Variants in KLHDC4 observed in about 807,000 individuals in gnomAD.
KLHDC4 encodes kelch domain-containing protein 4.
In KLHDC4, 90 loss-of-function variants were observed where a neutral mutation model predicts 62.4. The observed-to-expected ratio is 1.44, with a 90% CI of 1.22 to 1.72. KLHDC4 has a LOEUF of 1.72. Ranked by LOEUF, KLHDC4 falls within the 40% of genes most tolerant of loss-of-function variation. KLHDC4 has a pLI of 0.00. For missense variants in KLHDC4, 1,025 were observed against 699.7 expected, an observed-to-expected ratio of 1.47 and a Z score of -5.25; for synonymous variants, 386 against 284.4, an observed-to-expected ratio of 1.36 and a Z score of -3.59.
At chr16:87,704,413 A>AGGGCCCTGGGGAG (rs1252420794), downstream of KLHDC4, among the ~76,000 whole-genome samples, 6 of 92,522 alleles carry the variant, frequency 6.5e-5, 1 homozygote, top group East Asian at 3.6e-4. Context: ...GCGCCTGGGG[A>AGGGCCCTGGGGAG]GGGTCCTGAA....
At chr16:87,750,805 G>C (rs1199423850) in intron 4 of KLHDC4, 1 of 152,290 alleles carries the variant, frequency 6.6e-6, no homozygotes, top group Non-Finnish European at 1.5e-5. Flanking sequence ...ACAGGGGGTG[G>C]CGTGTCCCTC....
chr16:87,721,427 A>AAAG, intron 7 of KLHDC4, among the ~76,000 whole-genome samples: 1 of 151,570 alleles, frequency 6.6e-6, no homozygotes, highest in East Asian at 1.9e-4. Flanking sequence ...AAAAAAAAAA[A>AAAG]AAAAAAAAAA....
At chr16:87,763,082 A>G (rs750003021) in intron 1 of KLHDC4, among the ~76,000 whole-genome samples, 5 of 152,200 alleles carry the variant, frequency 3.3e-5, no homozygotes, top group Non-Finnish European at 5.9e-5. Context: ...AGTATTCTAA[A>G]CGATGCAATA....
At chr16:87,732,615 A>T (rs2040583797) in intron 5 of KLHDC4, among the ~76,000 whole-genome samples, 1 of 152,266 alleles carries the variant, frequency 6.6e-6, no homozygotes, top group African/African-American at 2.4e-5. Context: ...GTAATCAAAG[A>T]ATTTCAAATA....
chr16:87,706,322 C>A (rs996404821), downstream of KLHDC4, among the ~76,000 whole-genome samples: 2 of 136,214 alleles, frequency 1.5e-5, no homozygotes, highest in Non-Finnish European at 3.1e-5. Context: ...AAGCTGCAGC[C>A]CTCGGAGAGG....
intron 10 of KLHDC4, among the ~76,000 whole-genome samples, chr16:87,708,869 T>G (rs1053725449): frequency 6.6e-6 from 1 of 152,170 alleles, no homozygotes; most frequent in African/African-American, 2.4e-5. Context: ...CCAGCAGCAG[T>G]TGGGGTAAAG....
chr16:87,759,047 T>C (rs1052397500), intron 2 of KLHDC4, among the ~76,000 whole-genome samples: 3 of 152,100 alleles, frequency 2.0e-5, no homozygotes, highest in Non-Finnish European at 4.4e-5. Flanking sequence ...TGGTGGCGCA[T>C]GCCTGTAATC....
chr16:87,726,900 C>G lies in KLHDC4; in HGVS notation c.624G>C (p.Val208=), dbSNP rs756120600. 1 of 1,614,010 alleles carries G rather than the reference C, an allele frequency of 6.2e-7. No homozygotes were observed. Among genetic ancestry groups the G allele is most frequent in the African/African-American group, 1.3e-5 (1 of 75,014 alleles). Residue 208 remains valine, a synonymous_variant, in exon 7 of 12, where the codon GTG becomes GTC. Coordinates refer to ENST00000270583, the MANE Select transcript of KLHDC4 (RefSeq NM_017566.4). ...STRDYIYYND[V]YAFNLDTFTW... is the part of the protein sequence containing the mutation. ...TGAAGGTGTCCAGATTAAAGGCATA[C>G]ACGTCGTTGTAGTAGATGTAATCCC... is the stretch of plus-strand genomic sequence containing the variant.
At chr16:87,734,103 T>A (rs4843264) in intron 5 of KLHDC4, among the ~76,000 whole-genome samples, 18,212 of 152,142 alleles carry the variant, frequency 0.12, 1,658 homozygotes, top group African/African-American at 0.25. Flanking sequence ...CCCCAGCACT[T>A]TGAGAGGCCA....
At chr16:87,737,230 G>C (rs1212848273) in intron 5 of KLHDC4, among the ~76,000 whole-genome samples, 2 of 151,400 alleles carry the variant, frequency 1.3e-5, no homozygotes, top group African/African-American at 2.4e-5. Flanking sequence ...CACTGATTAA[G>C]ACACTAAATG....
rs185159965 is a variant in KLHDC4 at position 87,731,447 on chromosome 16, G to A, written c.507-803C>T. 5.2e-3 allele frequency among the ~76,000 whole-genome samples: 795 copies of A among 151,826 alleles called. 7 individuals are homozygous for A. The highest frequency in any genetic ancestry group is 6.9e-3 in the Non-Finnish European group (466 of 67,894). On this transcript the variant is annotated intron_variant, in intron 5 of 11. Transcript: ENST00000270583. ...AAAGATTTGATCAGAAAGTTCGTAAGATAGAAAAATGGGGGGAAAAAAGAT... is the reference window on the plus strand; with the variant it reads ...AAAGATTTGATCAGAAAGTTCGTAAAATAGAAAAATGGGGGGAAAAAAGAT...
intron 2 of KLHDC4, among the ~76,000 whole-genome samples, chr16:87,758,050 A>G (rs1477010819): frequency 6.6e-6 from 1 of 152,172 alleles, no homozygotes; most frequent in African/African-American, 2.4e-5. Context: ...ACTCCAAAAG[A>G]TGTTTCTCAA....
chr16:87,707,903 C>T lies in KLHDC4; in HGVS notation c.*174G>A, dbSNP rs767736619. Reference sequence around the variant, plus strand: ...CTCAGTTGAACTTCCGGCCCAGTGCCGCGTCAGAGACTAAACCATGGGAGA... The same window carrying T: ...CTCAGTTGAACTTCCGGCCCAGTGCTGCGTCAGAGACTAAACCATGGGAGA... On this transcript the variant is annotated 3_prime_UTR_variant, in exon 12 of 12. Transcript: ENST00000270583. The T allele has an allele frequency of 5.9e-5, 27 of 457,038 alleles. No individual in the cohort carries two copies. The highest frequency in any genetic ancestry group is 7.0e-5 in the Non-Finnish European group (16 of 227,216). The allele number at this position is 457,038 out of a possible 1,614,324, so 28.3% of individuals were successfully genotyped here. A position where few individuals can be genotyped will look rare whatever the true frequency, so the allele number is the denominator to read the frequency against.
chr16:87,732,097 C>CTTT (rs61370494), intron 5 of KLHDC4, among the ~76,000 whole-genome samples: 7 of 132,240 alleles, frequency 5.3e-5, no homozygotes, highest in Non-Finnish European at 9.6e-5. Flanking sequence ...GTGCATATTT[C>CTTT]TTTTTTTTTT....
At chr16:87,755,103 C>G (rs1006186447) in intron 4 of KLHDC4, 91 bp downstream of exon 4, 1 of 848,978 alleles carries the variant, frequency 1.2e-6, no homozygotes, top group Non-Finnish European at 2.0e-6. Flanking sequence ...CCCCTCCGCA[C>G]CAGCTGCCTG....
At chr16:87,747,596 G>C (rs533579644) in intron 5 of KLHDC4, 1 of 152,238 alleles carries the variant, frequency 6.6e-6, no homozygotes, top group Non-Finnish European at 1.5e-5. Flanking sequence ...CCCACTGTAA[G>C]GCTATGGTCA....
intron 5 of KLHDC4, among the ~76,000 whole-genome samples, chr16:87,742,076 T>C (rs1488721458): frequency 6.6e-6 from 1 of 152,098 alleles, no homozygotes; most frequent in Non-Finnish European, 1.5e-5. Flanking sequence ...CTCCTGACCT[T>C]TCCTTTTAGA....
chr16:87,765,937 C>G lies in KLHDC4; in HGVS notation c.-47G>C, dbSNP rs748436664. 67 of 1,521,146 alleles carry G rather than the reference C, an allele frequency of 4.4e-5. No individual in the cohort carries two copies. In the East Asian group the frequency reaches 7.6e-4, roughly 17 times the overall value. 94.2% of individuals were successfully genotyped at this position (1,521,146 alleles called of 1,614,324 possible). A position where few individuals can be genotyped will look rare whatever the true frequency, so the allele number is the denominator to read the frequency against. ...ACGGGACACCAGGAAAGAAAACGGCCCGCGCTCTCCGCTCGGAAACAGGTG... is the reference window on the plus strand; with the variant it reads ...ACGGGACACCAGGAAAGAAAACGGCGCGCGCTCTCCGCTCGGAAACAGGTG... On this transcript the variant is annotated 5_prime_UTR_variant, in exon 1 of 12. Coordinates refer to ENST00000270583, the MANE Select transcript of KLHDC4 (RefSeq NM_017566.4).
rs117718417 is a variant in KLHDC4, at chr16:87,715,056, C to A, written c.760-483G>T. Reference sequence around the variant, plus strand: ...CTTCGAAAACAACGCGCTCCATGTCCCTTAGCCCTTAGTCTTCTGCCTCAA... The same window carrying A: ...CTTCGAAAACAACGCGCTCCATGTCACTTAGCCCTTAGTCTTCTGCCTCAA... On this transcript the variant is annotated intron_variant, in intron 7 of 11. Coordinates refer to ENST00000270583, the MANE Select transcript of KLHDC4 (RefSeq NM_017566.4). Among the ~76,000 whole-genome samples the A allele has an allele frequency of 5.8e-3, 890 of 152,296 alleles. 6 individuals carry two copies. The highest frequency in any genetic ancestry group is 0.01 in the Non-Finnish European group (709 of 68,012).
Sources: allele counts gnomAD v4.1 joint callset (sites outside exome capture counted in the v4.1 genomes callset), GRCh38; gene constraint gnomAD v4.1.1; transcripts MANE v1.5; gene names NCBI Gene and HGNC (gene_info 2026-07-23, HGNC 2026-07-21).